ALPL: variants seen among roughly 807,000 people sequenced by gnomAD.
ALPL encodes alkaline phosphatase, biomineralization associated.
In ALPL, 42 loss-of-function variants were observed where a neutral mutation model predicts 51.3. The ratio of observed to expected loss-of-function variants is 0.82; its 90% CI spans 0.64 to 1.06. The LOEUF (loss-of-function observed/expected upper bound fraction) is 1.06, where lower values mean the gene tolerates loss of function less well. Ranked by LOEUF, ALPL falls within the 50% of genes least tolerant of loss-of-function variation. ALPL has a pLI of 0.00. For missense variants in ALPL, 589 were observed against 709.4 expected, an observed-to-expected ratio of 0.83 and a Z score of 1.93; for synonymous variants, 279 against 296.4, an observed-to-expected ratio of 0.94 and a Z score of 0.60.
At chr1:21,529,513 G>A (rs1204993897) in intron 1 of ALPL, among the ~76,000 whole-genome samples, 1 of 152,086 alleles carries the variant, frequency 6.6e-6, no homozygotes, top group African/African-American at 2.4e-5. Context: ...ACCAAGCCTG[G>A]CCAATTTTCT....
In ALPL at chr1:21,564,138, C is replaced by G. The variant is rs760153868; in HGVS notation, c.570C>G (p.Asn190Lys). 4.3e-6 allele frequency: 7 copies of G among 1,613,968 alleles called. No homozygotes were observed. The highest frequency in any genetic ancestry group is 5.9e-6 in the Non-Finnish European group (7 of 1,180,022). Reference protein sequence around the residue: ...HSADRDWYSDNEMPPEALSQG... With the variant: ...HSADRDWYSDKEMPPEALSQG... Reference sequence around the variant, plus strand: ...CTGACCGGGACTGGTACTCAGACAACGAGATGCCCCCTGAGGCCTTGAGCC... The same window carrying G: ...CTGACCGGGACTGGTACTCAGACAAGGAGATGCCCCCTGAGGCCTTGAGCC... The change falls in exon 6 of 12, where the codon AAC becomes AAG. Residue 190 changes from asparagine (N) to lysine (K), a missense_variant. Physicochemically the swap from Asn to Lys is moderately conservative, Grantham distance 94 (BLOSUM62 0). Transcript: ENST00000374840. The surrounding 1 kb of genome is among the most constrained non-coding windows in gnomAD (Gnocchi z 5.8).
chr1:21,575,709 AG>A (rs761411883), intron 9 of ALPL, 23 bp from the exon 10 acceptor site: 1 of 1,613,822 alleles, frequency 6.2e-7, no homozygotes, highest in East Asian at 2.2e-5. Flanking sequence ...TCCCTCACCG[AG>A]GCCTTTGCCT....
At chr1:21,540,768 A>G (rs1304244084) in intron 1 of ALPL, among the ~76,000 whole-genome samples, 1 of 151,750 alleles carries the variant, frequency 6.6e-6, no homozygotes, top group Non-Finnish European at 1.5e-5. Context: ...CAACCCCATC[A>G]TCCTTCCAGC....
At chr1:21,513,079 A>T (rs1643723778) in intron 1 of ALPL, among the ~76,000 whole-genome samples, 1 of 151,662 alleles carries the variant, frequency 6.6e-6, no homozygotes, top group South Asian at 2.1e-4. Context: ...TATTATTATT[A>T]TTATTACTAT....
At chr1:21,518,486 C>A (rs955773210) in intron 1 of ALPL, among the ~76,000 whole-genome samples, 17 of 152,038 alleles carry the variant, frequency 1.1e-4, no homozygotes, top group African/African-American at 3.6e-4. Context: ...ATCTGTCAAA[C>A]CCCGAATAAA....
intron 1 of ALPL, among the ~76,000 whole-genome samples, chr1:21,526,576 T>C (rs1430573942): frequency 6.6e-6 from 1 of 152,226 alleles, no homozygotes. Flanking sequence ...GGGACTTTTT[T>C]TCATTTCTAA....
chr1:21,533,088 A>T (rs1644052776), intron 1 of ALPL, among the ~76,000 whole-genome samples: 1 of 152,222 alleles, frequency 6.6e-6, no homozygotes, highest in South Asian at 2.1e-4. Context: ...GCTATGTATC[A>T]TGGAGCAGTT....
intron 3 of ALPL, 33 bp downstream of exon 3, chr1:21,560,778 C>A: frequency 1.2e-6 from 2 of 1,613,612 alleles, no homozygotes; most frequent in Non-Finnish European, 1.7e-6. Context: ...AGGGGTGGAA[C>A]AGGACACCTA....
At position 21,509,772 on chromosome 1, in the gene ALPL, C is replaced by A. The variant is rs111238731; in HGVS notation, c.-105+255C>A. Among the ~76,000 whole-genome samples, 485 of 152,166 alleles carry A rather than the reference C, an allele frequency of 3.2e-3. 6 individuals are homozygous for A. Among genetic ancestry groups the A allele is most frequent in the African/African-American group, 0.012 (478 of 41,544 alleles). On this transcript the variant is annotated intron_variant, in intron 1 of 11. Transcript: ENST00000374840. The surrounding 1 kb of genome is among the most constrained non-coding windows in gnomAD (Gnocchi z 6.0). Reference sequence around the variant, plus strand: ...TTGGACGTGGCGCCCGCGGAGCCGGCGAACTCAGGGGACCGCGCTCGGGAC... The same window carrying A: ...TTGGACGTGGCGCCCGCGGAGCCGGAGAACTCAGGGGACCGCGCTCGGGAC...
intron 1 of ALPL, among the ~76,000 whole-genome samples, chr1:21,516,163 A>G (rs1643795995): frequency 6.6e-6 from 1 of 152,170 alleles, no homozygotes; most frequent in South Asian, 2.1e-4. Flanking sequence ...TACAGGTGTG[A>G]GCCACTGCAT....
intron 1 of ALPL, among the ~76,000 whole-genome samples, chr1:21,539,895 A>T (rs2148110032): frequency 6.6e-6 from 1 of 152,098 alleles, no homozygotes; most frequent in South Asian, 2.1e-4. Flanking sequence ...TGACCTCGTG[A>T]TCTGCCCACC....
chr1:21,537,853 G>A (rs1278523473), intron 1 of ALPL, among the ~76,000 whole-genome samples: 1 of 152,188 alleles, frequency 6.6e-6, no homozygotes, highest in African/African-American at 2.4e-5. Flanking sequence ...CACTTCACTG[G>A]AATTCGAAGA....
At chr1:21,548,440 C>T (rs1466173266) in intron 1 of ALPL, among the ~76,000 whole-genome samples, 2 of 152,252 alleles carry the variant, frequency 1.3e-5, no homozygotes, top group Non-Finnish European at 2.9e-5. Context: ...CCAGCCTGAA[C>T]TGGTGGCACT....
At chr1:21,533,408 C>T (rs1311678164) in intron 1 of ALPL, among the ~76,000 whole-genome samples, 1 of 152,204 alleles carries the variant, frequency 6.6e-6, no homozygotes, top group Non-Finnish European at 1.5e-5. Context: ...CCGGGCTCTG[C>T]TTTCCAAATA....
At chr1:21,563,487 C>G (rs1402574678) in intron 5 of ALPL, among the ~76,000 whole-genome samples, 6 of 152,160 alleles carry the variant, frequency 3.9e-5, no homozygotes, top group Non-Finnish European at 8.8e-5. Flanking sequence ...GTGGTGGGTT[C>G]TGGTCCCAGT....
chr1:21,565,154 A>G (rs903547219), intron 6 of ALPL, among the ~76,000 whole-genome samples: 1 of 152,062 alleles, frequency 6.6e-6, no homozygotes, highest in African/African-American at 2.4e-5. Context: ...ACCTGCCTTC[A>G]GCCCTCCATG....
chr1:21,528,460 G>A (rs1359847574), intron 1 of ALPL, among the ~76,000 whole-genome samples: 2 of 148,556 alleles, frequency 1.3e-5, no homozygotes, highest in African/African-American at 2.5e-5. Flanking sequence ...CAATTCTCCT[G>A]CCTCAGCCTC....
chr1:21,570,370 A>G lies in ALPL; in HGVS notation c.858A>G (p.Leu286=), dbSNP rs375027534. 9.0e-4 allele frequency: 1,447 copies of G among 1,612,892 alleles called. 26 individuals carry two copies. In the South Asian group the frequency reaches 0.015, roughly 17 times the overall value. The part of the protein sequence containing the change: ...LTLDPHNVDY[L]LGLFEPGDMQ... The stretch of plus-strand genomic sequence containing the variant: ...TTGACCCCCACAATGTGGACTACCT[A>G]TTGGGTAAGTGGAGGGGGTGGAGGG... The change falls in exon 8 of 12, where the codon CTA becomes CTG. Residue 286 remains leucine, a synonymous_variant. Transcript: ENST00000374840.
intron 6 of ALPL, among the ~76,000 whole-genome samples, chr1:21,565,943 G>A (rs978397280): frequency 3.9e-5 from 6 of 152,150 alleles, no homozygotes; most frequent in African/African-American, 7.2e-5. Context: ...AGTCGCTGCC[G>A]GGCTGGAAAC....
Sources: gnomAD v4.1 joint callset for allele counts (sites outside exome capture counted in the v4.1 genomes callset) on GRCh38, gnomAD v4.1.1 for gene constraint, Gnocchi (gnomAD v3.1) non-coding constraint, MANE v1.5 for transcripts, NCBI Gene and HGNC (gene_info 2026-07-23, HGNC 2026-07-21) for gene names.